The following NSMCE1 variants were observed in gnomAD, a reference collection of about 807,000 sequenced individuals.
The protein encoded by NSMCE1 is non-structural maintenance of chromosomes element 1 homolog.
Under a neutral mutation model 29.6 loss-of-function variants are expected in NSMCE1, and 18 were observed. That is an observed-to-expected ratio of 0.61 (90% CI 0.42 to 0.90). NSMCE1 has a LOEUF of 0.90. Among genes scored for constraint, NSMCE1 ranks in the 40% least tolerant of loss-of-function variants. The probability of loss-of-function intolerance (pLI) is 0.00; values close to 1 mark genes in which losing one functional copy is unlikely to be tolerated. For synonymous variants in NSMCE1, 124 were observed against 133.4 expected, an observed-to-expected ratio of 0.93 and a Z score of 0.49; for missense variants, 314 against 343.6, an observed-to-expected ratio of 0.91 and a Z score of 0.68.
chr16:27,229,089 C>T (rs1027320285), intron 5 of NSMCE1, among the ~76,000 whole-genome samples: 1 of 152,218 alleles, frequency 6.6e-6, no homozygotes, highest in Non-Finnish European at 1.5e-5. Context: ...CCCTAATACG[C>T]GTATCTCCCG....
chr16:27,249,238 T>G (rs1197368575), intron 2 of NSMCE1, among the ~76,000 whole-genome samples: 1 of 152,252 alleles, frequency 6.6e-6, no homozygotes, highest in African/African-American at 2.4e-5. Context: ...GTATTTTGCT[T>G]GTCTTTTCAG....
At chr16:27,255,285 C>T (rs540221245) in intron 2 of NSMCE1, among the ~76,000 whole-genome samples, 30 of 152,172 alleles carry the variant, frequency 2.0e-4, no homozygotes, top group Non-Finnish European at 2.5e-4. Flanking sequence ...GGTACAACTG[C>T]GGCGCATCTA....
chr16:27,239,160 G>A (rs1262106018), intron 2 of NSMCE1, among the ~76,000 whole-genome samples: 7 of 152,132 alleles, frequency 4.6e-5, no homozygotes, highest in Admixed American at 1.3e-4. Context: ...GTGAGCCACC[G>A]TGCCCAGCCC....
chr16:27,227,597 A>C (rs2083712271), intron 5 of NSMCE1, among the ~76,000 whole-genome samples: 1 of 152,252 alleles, frequency 6.6e-6, no homozygotes, highest in African/African-American at 2.4e-5. Context: ...CACGGGACCC[A>C]GGACATGGAC....
At chr16:27,233,238 A>C in intron 4 of NSMCE1, 91 bp from the exon 5 acceptor site, 1 of 1,077,334 alleles carries the variant, frequency 9.3e-7, no homozygotes, top group South Asian at 1.5e-5. Flanking sequence ...GGCACAGTAA[A>C]ACCACTCAGA....
intron 1 of NSMCE1, among the ~76,000 whole-genome samples, chr16:27,260,851 C>G (rs2084147668): frequency 1.6e-5 from 1 of 63,702 alleles, no homozygotes. Flanking sequence ...AGAGTGAGAC[C>G]CTGTCTCAAA....
Position 27,234,131 on chromosome 16 carries a change from G to A in NSMCE1, c.336+57C>T, listed in dbSNP as rs1467533221. ...TGCAGTTGCCACTGCTAATGACGGA[G>A]ACAGAACTTTCCCATAAGAAGCCCA... On this transcript the variant is annotated intron_variant, in intron 4 of 7. Coordinates refer to ENST00000361439, the MANE Select transcript of NSMCE1 (RefSeq NM_145080.4). 3.1e-4 allele frequency: 357 copies of A among 1,144,716 alleles called. 1 individual carries two copies. Among genetic ancestry groups the A allele is most frequent in the Non-Finnish European group, 3.1e-5 (23 of 751,558 alleles). The allele number at this position is 1,144,716 out of a possible 1,614,324, so 70.9% of individuals were successfully genotyped here.
At chr16:27,257,917 T>C (rs1354458421) in intron 1 of NSMCE1, among the ~76,000 whole-genome samples, 1 of 152,174 alleles carries the variant, frequency 6.6e-6, no homozygotes, top group Admixed American at 6.5e-5. Context: ...GCAGAACTGC[T>C]ACGAAGATTA....
At chr16:27,244,150 G>C (rs1031977725) in intron 2 of NSMCE1, among the ~76,000 whole-genome samples, 1 of 152,198 alleles carries the variant, frequency 6.6e-6, no homozygotes, top group Non-Finnish European at 1.5e-5. Flanking sequence ...CCAAGTGGAG[G>C]CTGCCTCTCT....
At chr16:27,263,859 A>T (rs564734060) in intron 1 of NSMCE1, among the ~76,000 whole-genome samples, 2 of 152,230 alleles carry the variant, frequency 1.3e-5, no homozygotes, top group African/African-American at 4.8e-5. Flanking sequence ...TGAAAAATGA[A>T]ATGTTGGCAG....
intron 2 of NSMCE1, among the ~76,000 whole-genome samples, chr16:27,251,189 T>TATATATATAAAA (rs1459861130): frequency 3.4e-5 from 2 of 58,834 alleles, no homozygotes; most frequent in Admixed American, 1.8e-4. Context: ...TATATATATA[T>TATATATATAAAA]AAATATATAT....
Position 27,234,088 on chromosome 16 carries a change from C to G in NSMCE1, c.336+100G>C, listed in dbSNP as rs958937951. 6.4e-6 allele frequency: 5 copies of G among 784,432 alleles called. No individual in the cohort carries two copies. The African/African-American group carries it at 6.9e-5, about 11-fold the overall frequency. 48.6% of individuals were successfully genotyped at this position (784,432 alleles called of 1,614,324 possible). On this transcript the variant is annotated intron_variant, in intron 4 of 7. Transcript: ENST00000361439. ...GACAGCAATGGTGGCCCATGTCCCC[C>G]CAGTGATCCTTGAACACTGCAGTTG... is the stretch of plus-strand genomic sequence containing the variant.
At chr16:27,268,226 G>A (rs1016150097) in intron 1 of NSMCE1, 2 of 152,078 alleles carry the variant, frequency 1.3e-5, no homozygotes, top group Non-Finnish European at 2.9e-5. Context: ...TAACATAAGC[G>A]GCTGCGGACT....
chr16:27,240,144 C>T (rs981464580), intron 2 of NSMCE1, among the ~76,000 whole-genome samples: 28 of 152,188 alleles, frequency 1.8e-4, no homozygotes, highest in African/African-American at 6.5e-4. Flanking sequence ...CTCCCAGGCA[C>T]TAAGCCCCAT....
At chr16:27,226,153 TTATTTGC>T (rs2083688566) in intron 6 of NSMCE1, 1 of 261,200 alleles carries the variant, frequency 3.8e-6, no homozygotes, top group Admixed American at 4.9e-5. Flanking sequence ...TTTCAGAAGC[TTATTTGC>T]TAATGTGAAT....
chr16:27,226,868 A>T lies in NSMCE1; in HGVS notation c.484-32T>A, dbSNP rs755048375. On this transcript the variant is annotated intron_variant, in intron 5 of 7. Coordinates refer to ENST00000361439, the MANE Select transcript of NSMCE1 (RefSeq NM_145080.4). ...GGACACACAGGAGGTGGCCACCCTC[A>T]GCCAGGCCCTCTCCCCATTCACCAC... 47 of 1,364,658 alleles carry T rather than the reference A, an allele frequency of 3.4e-5. No homozygotes were observed. The Admixed American group carries it at 5.9e-4, about 17-fold the overall frequency. The allele number at this position is 1,364,658 out of a possible 1,614,324, so 84.5% of individuals were successfully genotyped here.
At chr16:27,251,156 T>TAAAAAA (rs1245663933) in intron 2 of NSMCE1, among the ~76,000 whole-genome samples, 2 of 66,218 alleles carry the variant, frequency 3.0e-5, no homozygotes, top group African/African-American at 8.6e-5. Context: ...TTTAATTATT[T>TAAAAAA]AAAATATATA....
At chr16:27,264,235 T>A (rs2084194667) in intron 1 of NSMCE1, among the ~76,000 whole-genome samples, 1 of 151,938 alleles carries the variant, frequency 6.6e-6, no homozygotes, top group South Asian at 2.1e-4. Flanking sequence ...TCGCTGGGCA[T>A]GATGGTATGC....
At chr16:27,235,041 T>G (rs1404246790) in intron 3 of NSMCE1, 137 bp downstream of exon 3, 1 of 747,036 alleles carries the variant, frequency 1.3e-6, no homozygotes, top group Non-Finnish European at 2.1e-6. Context: ...CCTTTATTCC[T>G]AATATTCTAT....
Sources: gnomAD v4.1 joint callset for allele counts (sites outside exome capture counted in the v4.1 genomes callset) on GRCh38, gnomAD v4.1.1 for gene constraint, MANE v1.5 for transcripts, NCBI Gene and HGNC (gene_info 2026-07-23, HGNC 2026-07-21) for gene names.